Variants in COX11 observed in about 807,000 individuals in gnomAD.
COX11 encodes the protein cytochrome c oxidase assembly protein COX11, mitochondrial.
Under a neutral mutation model 29.4 loss-of-function variants are expected in COX11, and 18 were observed. The ratio of observed to expected loss-of-function variants is 0.61; its 90% CI spans 0.42 to 0.91. The LOEUF (loss-of-function observed/expected upper bound fraction) is 0.91. Ranked by LOEUF, COX11 falls within the 40% of genes least tolerant of loss-of-function variation. COX11 has a pLI of 0.00. For missense variants in COX11, 312 were observed against 346.0 expected (o/e 0.90, Z 0.78); for synonymous variants, 131 against 124.0 (o/e 1.06, Z -0.38).
downstream of COX11, among the ~76,000 whole-genome samples, chr17:54,958,748 A>AAAAGG (rs372776781): frequency 3.3e-3 from 388 of 118,924 alleles, 14 homozygotes; most frequent in African/African-American, 7.1e-3. Context: ...AAAAAAAAAA[A>AAAAGG]GGGGTTGTTG....
Position 54,960,739 on chromosome 17 carries a change from T to A in COX11, c.*1994A>T. On this transcript the variant is annotated 3_prime_UTR_variant, in exon 4 of 4. Coordinates refer to ENST00000299335, the MANE Select transcript of COX11 (RefSeq NM_004375.5). ...TCTAAGGGCCATCTGAGTCTGACAC[T>A]TTGAAATATGAGTTCCCCTGAATCA... 1.3e-6 allele frequency: 1 copy of A among 766,696 alleles called. No homozygotes were observed. The highest frequency in any genetic ancestry group is 2.2e-6 in the Non-Finnish European group (1 of 448,192). The allele number at this position is 766,696 out of a possible 1,614,324, so 47.5% of individuals were successfully genotyped here.
chr17:54,967,108 T>C (rs2077243331), intron 1 of COX11, among the ~76,000 whole-genome samples: 1 of 144,106 alleles, frequency 6.9e-6, no homozygotes, highest in African/African-American at 2.4e-5. Context: ...ATACCAGTCA[T>C]GGTGTTAAAA....
In COX11 at chr17:54,960,559, G is replaced by C. The variant is rs990049777; in HGVS notation, c.*2174C>G. ...ATAACCCTTTTGCTGTGATGGCTTT[G>C]TTTCAGAGCTATTTATGAAGAAATT... On this transcript the variant is annotated 3_prime_UTR_variant, in exon 4 of 4. Coordinates refer to ENST00000299335, the MANE Select transcript of COX11 (RefSeq NM_004375.5). 2.2e-5 allele frequency: 36 copies of C among 1,612,090 alleles called. No homozygotes were observed. Among genetic ancestry groups the C allele is most frequent in the Non-Finnish European group, 2.8e-5 (33 of 1,178,972 alleles).
At position 54,968,428 on chromosome 17, in the gene COX11, C is replaced by A; in HGVS notation, c.219G>T (p.Arg73=). The A allele has an allele frequency of 1.2e-6, 2 of 1,613,480 alleles. No homozygotes were observed. Among genetic ancestry groups the A allele is most frequent in the Non-Finnish European group, 1.7e-6 (2 of 1,180,004 alleles). The change falls in exon 1 of 4, where the codon CGG becomes CGT. Residue 73 remains arginine (R), a synonymous_variant. Coordinates refer to ENST00000299335, the MANE Select transcript of COX11 (RefSeq NM_004375.5). ...GTGTGAAAGGGTTCGAGCTCTTAGG[C>A]CGCCGCGGCGGCTGCAATGCTGGAT... ...ARHPALQPPR[R]PKSSNPFTRA...
chr17:54,967,042 G>GCGCACACACACGCGCGCACACA (rs1310473186), intron 1 of COX11, among the ~76,000 whole-genome samples: 35 of 96,120 alleles, frequency 3.6e-4, no homozygotes, highest in South Asian at 1.3e-3. Flanking sequence ...GCGCGCGCGC[G>GCGCACACACACGCGCGCACACA]CACACACACA....
At chr17:54,952,453 A>G (rs1478352893) in exon 1 of COX11, 1 of 151,750 alleles carries the variant, frequency 6.6e-6, no homozygotes, top group Admixed American at 6.6e-5. Flanking sequence ...AAGGTGAGGC[A>G]GAAAAATCGC....
In COX11 at chr17:54,962,800, A is replaced by C. The variant is rs139031877; in HGVS notation, c.764T>G (p.Ile255Ser). ...EDPRMIKVDL[I>S]TLSYTFFEAK... ...TTCAAAAAAAGTGTAAGAAAGAGTG[A>C]TAAGATCAACTTTAATCATTCTTGG... The change falls in exon 4 of 4, where the codon ATC (isoleucine) becomes AGC (serine). Residue 255 changes from isoleucine (I) to serine (S), a missense_variant. Ile to Ser is a moderately radical substitution (Grantham distance 142). Transcript: ENST00000299335. The C allele has an allele frequency of 1.2e-6, 2 of 1,613,048 alleles. No homozygotes were observed. The highest frequency in any genetic ancestry group is 1.7e-6 in the Non-Finnish European group (2 of 1,179,372).
At chr17:54,959,831 G>C (rs1440910810), downstream of COX11, among the ~76,000 whole-genome samples, 2 of 151,942 alleles carry the variant, frequency 1.3e-5, no homozygotes, top group Non-Finnish European at 2.9e-5. Context: ...TGTTCATACT[G>C]GTCTTGAAAT....
At chr17:54,968,768 T>G (rs1598126430), upstream of COX11, 1 of 1,194,296 alleles carries the variant, frequency 8.4e-7, no homozygotes, top group Non-Finnish European at 1.2e-6. Context: ...GCTCCTCAGG[T>G]GGCAGCGCTT....
chr17:54,958,858 G>A (rs188578902), downstream of COX11, among the ~76,000 whole-genome samples: 532 of 152,202 alleles, frequency 3.5e-3, 2 homozygotes, highest in African/African-American at 0.012. Context: ...GAGAATCTGT[G>A]AATGTTGAAG....
chr17:54,964,377 GAAGCTATATAGCCTGA>G (rs1158466940), intron 2 of COX11: 4 of 241,102 alleles, frequency 1.7e-5, no homozygotes, highest in Non-Finnish European at 2.4e-5. Context: ...GAAAAGTCAG[GAAGCTATATAGCCTGA>G]CGGTTACTGC....
At chr17:54,958,748 A>AAAGGGG (rs372776781), downstream of COX11, among the ~76,000 whole-genome samples, 3 of 118,956 alleles carry the variant, frequency 2.5e-5, no homozygotes, top group South Asian at 5.2e-4. Context: ...AAAAAAAAAA[A>AAAGGGG]GGGGTTGTTG....
At chr17:54,967,457 G>A (rs1438241233) in intron 1 of COX11, among the ~76,000 whole-genome samples, 4 of 152,132 alleles carry the variant, frequency 2.6e-5, no homozygotes, top group Non-Finnish European at 5.9e-5. Flanking sequence ...CAAATTATTA[G>A]CTAAGAACAA....
At chr17:54,958,916 A>T (rs191203019), downstream of COX11, among the ~76,000 whole-genome samples, 2 of 152,272 alleles carry the variant, frequency 1.3e-5, no homozygotes, top group Non-Finnish European at 2.9e-5. Context: ...GGAAGGGAAG[A>T]ATAACTGAAT....
chr17:54,957,281 G>T (rs2049560954), downstream of COX11: 2 of 152,190 alleles, frequency 1.3e-5, no homozygotes, highest in African/African-American at 4.8e-5. Flanking sequence ...GGACTTAGGA[G>T]TCCACTATGT....
rs2077099903 is a variant in COX11 at position 54,960,726 on chromosome 17, C to G, written c.*2007G>C. 1 of 851,188 alleles carries G rather than the reference C, an allele frequency of 1.2e-6. No homozygotes were observed. The allele number at this position is 851,188 out of a possible 1,614,324, so 52.7% of individuals were successfully genotyped here. A position where few individuals can be genotyped will look rare whatever the true frequency, so the allele number is the denominator to read the frequency against. On this transcript the variant is annotated 3_prime_UTR_variant, in exon 4 of 4. Transcript: ENST00000299335. ...AGTATTTAAATTTTCTAAGGGCCAT[C>G]TGAGTCTGACACTTTGAAATATGAG...
In COX11 at chr17:54,964,776, C is replaced by G. The variant is rs1483730750; in HGVS notation, c.443G>C (p.Arg148Pro). The G allele has an allele frequency of 1.2e-6, 2 of 1,613,862 alleles. No individual in the cohort carries two copies. Among genetic ancestry groups the G allele is most frequent in the Non-Finnish European group, 1.7e-6 (2 of 1,179,864 alleles). ...KIENMVPVKD[R>P]IIKISFNADV... The stretch of plus-strand genomic sequence containing the variant: ...TGCATTAAAGCTAATTTTAATGATT[C>G]GATCTTTAACAGGCACCATGTTTTC... Residue 148 changes from arginine to proline, a missense_variant, in exon 2 of 4, where the codon CGA becomes CCA. Physicochemically the swap from Arg to Pro is moderately radical, Grantham distance 103 (BLOSUM62 -2). Around this residue, in one of 2 missense-constraint regions of COX11, gnomAD observed 182 missense variants for 240.0 expected, o/e 0.76. Transcript: ENST00000299335.
chr17:54,968,707 T>A, upstream of COX11: 2 of 1,542,454 alleles, frequency 1.3e-6, no homozygotes, highest in Middle Eastern at 1.7e-4. Flanking sequence ...TCGCGAGGCG[T>A]GCTCCGTCTC....
At chr17:54,963,237 C>A in intron 3 of COX11, 69 bp downstream of exon 3, 1 of 1,504,418 alleles carries the variant, frequency 6.6e-7, no homozygotes, top group Non-Finnish European at 9.0e-7. Flanking sequence ...TCTACTAAAA[C>A]ACTAAGTTTC....
Sources: gnomAD v4.1 joint callset for allele counts (sites outside exome capture counted in the v4.1 genomes callset) on GRCh38, gnomAD v4.1.1 for gene constraint, gnomAD v4.1.1 regional missense constraint, MANE v1.5 for transcripts, NCBI Gene and HGNC (gene_info 2026-07-23, HGNC 2026-07-21) for gene names.